The following SMOC2 variants were observed in gnomAD, a reference collection of about 807,000 sequenced individuals.
SMOC2 encodes the protein SPARC-related modular calcium-binding protein 2.
In SMOC2, 39 loss-of-function variants were observed where a neutral mutation model predicts 61.4. The observed-to-expected ratio is 0.64, with a 90% CI of 0.49 to 0.83. The LOEUF is 0.83. Among genes scored for constraint, SMOC2 ranks in the 40% least tolerant of loss-of-function variants. The pLI is 0.00. For missense variants in SMOC2, 556 were observed against 592.9 expected, an observed-to-expected ratio of 0.94 and a Z score of 0.65; for synonymous variants, 247 against 239.9, an observed-to-expected ratio of 1.03 and a Z score of -0.27.
intron 7 of SMOC2, among the ~76,000 whole-genome samples, chr6:168,569,652 C>T (rs925032432): frequency 3.3e-5 from 5 of 152,100 alleles, no homozygotes; most frequent in Admixed American, 6.5e-5. Context: ...CCATGTTGCC[C>T]AGGGTGGTCC....
intron 9 of SMOC2, among the ~76,000 whole-genome samples, chr6:168,633,111 A>T (rs1342283014): frequency 6.6e-6 from 1 of 152,172 alleles, no homozygotes; most frequent in Non-Finnish European, 1.5e-5. Flanking sequence ...GGCTGAGATG[A>T]CTTCATTTTC....
At chr6:168,653,767 C>T (rs1787265742) in intron 11 of SMOC2, among the ~76,000 whole-genome samples, 1 of 147,716 alleles carries the variant, frequency 6.8e-6, no homozygotes, top group Non-Finnish European at 1.5e-5. Flanking sequence ...TAGGAACTCA[C>T]CAACCCTGTA....
chr6:168,611,744 A>G (rs558165328), intron 9 of SMOC2, among the ~76,000 whole-genome samples: 1,631 of 151,160 alleles, frequency 0.011, 28 homozygotes, highest in African/African-American at 0.038. Context: ...TGTGGCTCCC[A>G]TGTCAGGCCC....
At chr6:168,478,721 G>A (rs935297119) in intron 1 of SMOC2, among the ~76,000 whole-genome samples, 3 of 152,232 alleles carry the variant, frequency 2.0e-5, no homozygotes, top group Admixed American at 6.5e-5. Context: ...CTCAGGGAAA[G>A]GAGTCAGGAA....
At chr6:168,523,924 C>T (rs1245932746) in intron 2 of SMOC2, among the ~76,000 whole-genome samples, 1 of 152,110 alleles carries the variant, frequency 6.6e-6, no homozygotes, top group Non-Finnish European at 1.5e-5. Context: ...GTTGAAGCAT[C>T]CTATTCCATT....
intron 11 of SMOC2, among the ~76,000 whole-genome samples, chr6:168,663,037 G>A (rs1326523549): frequency 6.6e-6 from 1 of 152,198 alleles, no homozygotes; most frequent in Non-Finnish European, 1.5e-5. Context: ...AATCTGGACT[G>A]AGGAGAGAAA....
intron 1 of SMOC2, among the ~76,000 whole-genome samples, chr6:168,461,283 C>G (rs1365491657): frequency 6.6e-6 from 1 of 152,162 alleles, no homozygotes; most frequent in East Asian, 1.9e-4. Flanking sequence ...CATCTCCCAC[C>G]AGGTCCCTCC....
intron 4 of SMOC2, among the ~76,000 whole-genome samples, chr6:168,541,004 G>A (rs1783866280): frequency 6.6e-6 from 1 of 152,146 alleles, no homozygotes; most frequent in South Asian, 2.1e-4. Flanking sequence ...CCCTCCACTG[G>A]GCTGTTCTGG....
chr6:168,619,297 A>G (rs1583165661), intron 9 of SMOC2, among the ~76,000 whole-genome samples: 1 of 152,360 alleles, frequency 6.6e-6, no homozygotes, highest in Middle Eastern at 3.4e-3. Flanking sequence ...ATGATTATGC[A>G]GAAGAGAGAT....
intron 2 of SMOC2, among the ~76,000 whole-genome samples, chr6:168,521,202 A>G (rs369770175): frequency 1.3e-5 from 2 of 151,894 alleles, no homozygotes; most frequent in Admixed American, 1.3e-4. Context: ...AGGCTGGAGT[A>G]TGGTGGCACG....
chr6:168,569,865 C>T (rs1034530576), intron 7 of SMOC2, among the ~76,000 whole-genome samples: 1 of 152,148 alleles, frequency 6.6e-6, no homozygotes, highest in Non-Finnish European at 1.5e-5. Context: ...GAGGAAGTCC[C>T]GTTTATCAAT....
chr6:168,446,261 G>A (rs1251311667), intron 1 of SMOC2, among the ~76,000 whole-genome samples: 3 of 152,196 alleles, frequency 2.0e-5, no homozygotes, highest in Non-Finnish European at 4.4e-5. Flanking sequence ...TACTTGGGAG[G>A]CTGAGACAGG....
intron 9 of SMOC2, among the ~76,000 whole-genome samples, chr6:168,621,180 T>A (rs974038857): frequency 6.6e-6 from 1 of 152,256 alleles, no homozygotes; most frequent in Non-Finnish European, 1.5e-5. Context: ...TAATTCGCTT[T>A]GAGAAATTCC....
intron 1 of SMOC2, among the ~76,000 whole-genome samples, chr6:168,477,247 C>G (rs1289728381): frequency 6.6e-6 from 1 of 152,196 alleles, no homozygotes. Flanking sequence ...ATATCCAAAC[C>G]TCAAGCCTGT....
intron 1 of SMOC2, among the ~76,000 whole-genome samples, chr6:168,442,068 G>A (rs1443283222): frequency 6.6e-6 from 1 of 152,220 alleles, no homozygotes; most frequent in Non-Finnish European, 1.5e-5. Flanking sequence ...CTCTCCCAGA[G>A]ACCCTCGTAA....
chr6:168,509,804 C>G, intron 1 of SMOC2, 111 bp from the exon 2 acceptor site: 1 of 1,048,834 alleles, frequency 9.5e-7, no homozygotes, highest in Non-Finnish European at 1.3e-6. Flanking sequence ...TGGTGTTATC[C>G]CTCAAGCTTT....
chr6:168,582,377 T>G (rs975238165), intron 7 of SMOC2, among the ~76,000 whole-genome samples: 8 of 152,258 alleles, frequency 5.3e-5, no homozygotes, highest in Admixed American at 3.9e-4. Context: ...TGGGTGAGTG[T>G]GAGTGCGTGT....
At chr6:168,653,268 G>C (rs1024839801) in intron 11 of SMOC2, 40 bp downstream of exon 11, 2 of 1,581,154 alleles carry the variant, frequency 1.3e-6, no homozygotes, top group Admixed American at 3.7e-5. Context: ...CAGTGGTCAG[G>C]CCCTGAGGCC....
chr6:168,600,940 G>A (rs532442220), intron 8 of SMOC2, among the ~76,000 whole-genome samples: 20 of 152,318 alleles, frequency 1.3e-4, no homozygotes, highest in Admixed American at 2.6e-4. Flanking sequence ...TTGTATAACC[G>A]TGAGTAGAAA....
Sources: allele counts gnomAD v4.1 joint callset (sites outside exome capture counted in the v4.1 genomes callset), GRCh38; gene constraint gnomAD v4.1.1; transcripts MANE v1.5; gene names NCBI Gene and HGNC (gene_info 2026-07-23, HGNC 2026-07-21).